CABCOCO1: variants seen among roughly 807,000 people sequenced by gnomAD.
The protein encoded by CABCOCO1 is ciliary associated calcium binding coiled-coil 1.
In CABCOCO1, 28 loss-of-function variants were observed where a neutral mutation model predicts 35.7. The ratio of observed to expected loss-of-function variants is 0.78; its 90% CI spans 0.58 to 1.07. The LOEUF (loss-of-function observed/expected upper bound fraction) is 1.07. Ranked by LOEUF, CABCOCO1 falls within the 50% of genes least tolerant of loss-of-function variation. CABCOCO1 has a pLI of 0.00. For synonymous variants in CABCOCO1, 95 were observed against 100.1 expected, an observed-to-expected ratio of 0.95 and a Z score of 0.30; for missense variants, 326 against 309.2, an observed-to-expected ratio of 1.05 and a Z score of -0.41.
chr10:61,679,774 A>G (rs945193028), intron 2 of CABCOCO1, among the ~76,000 whole-genome samples: 5 of 152,210 alleles, frequency 3.3e-5, no homozygotes, highest in African/African-American at 9.6e-5. Context: ...TCAGAAAGAT[A>G]TAACCATGAG....
intron 1 of CABCOCO1, among the ~76,000 whole-genome samples, 158 bp from the exon 2 acceptor site, chr10:61,672,474 A>C (rs1839390461): frequency 6.6e-6 from 1 of 152,254 alleles, no homozygotes; most frequent in Admixed American, 6.5e-5. Context: ...GTACCGTTGC[A>C]TAATATGGAA....
intron 1 of CABCOCO1, among the ~76,000 whole-genome samples, chr10:61,665,129 A>G (rs934828067): frequency 6.6e-6 from 1 of 152,182 alleles, no homozygotes; most frequent in Non-Finnish European, 1.5e-5. Flanking sequence ...GTTTGTGGCC[A>G]ATACCTAGAA....
At chr10:61,673,005 ATGC>A (rs913234968) in intron 2 of CABCOCO1, among the ~76,000 whole-genome samples, 1 of 152,226 alleles carries the variant, frequency 6.6e-6, no homozygotes, top group African/African-American at 2.4e-5. Flanking sequence ...GCTATAGCAT[ATGC>A]TGTCTTCTTT....
chr10:61,686,167 T>C lies in CABCOCO1; in HGVS notation c.461T>C (p.Ile154Thr), dbSNP rs962002634. The stretch of plus-strand genomic sequence containing the variant: ...GATGTAAAACAAGCCAATGCTATCA[T>C]TGATTACTTAAAAATCAGGTATGGA... The part of the protein sequence containing the change: ...IFDVKQANAI[I>T]DYLKISLFQH... The change falls in exon 4 of 8, where the codon ATT (isoleucine) becomes ACT (threonine). Residue 154 changes from isoleucine (I) to threonine (T), a missense_variant. Ile to Thr is a moderately conservative substitution (Grantham distance 89, BLOSUM62 -1). Transcript: ENST00000648843. 5 of 1,574,098 alleles carry C rather than the reference T, an allele frequency of 3.2e-6. No homozygotes were observed. The highest frequency in any genetic ancestry group is 4.3e-6 in the Non-Finnish European group (5 of 1,168,366).
intron 5 of CABCOCO1, among the ~76,000 whole-genome samples, chr10:61,693,294 T>C (rs963123970): frequency 6.6e-6 from 1 of 152,140 alleles, no homozygotes; most frequent in African/African-American, 2.4e-5. Flanking sequence ...TACCTGTTTT[T>C]AAATTAACAA....
intron 1 of CABCOCO1, among the ~76,000 whole-genome samples, chr10:61,665,656 G>A (rs934345402): frequency 3.3e-5 from 5 of 151,988 alleles, no homozygotes; most frequent in Non-Finnish European, 7.4e-5. Flanking sequence ...GGGAGGCCGA[G>A]GCGGGCGGAT....
chr10:61,753,118 G>A (rs1841826734), intron 5 of CABCOCO1, among the ~76,000 whole-genome samples: 1 of 152,100 alleles, frequency 6.6e-6, no homozygotes, highest in Non-Finnish European at 1.5e-5. Context: ...TAATATGAGA[G>A]TCATGAAATA....
chr10:61,732,997 G>C (rs1165496649), intron 5 of CABCOCO1, among the ~76,000 whole-genome samples: 4 of 151,942 alleles, frequency 2.6e-5, no homozygotes, highest in African/African-American at 9.7e-5. Context: ...GAAATGCTTT[G>C]ATATTTATGT....
intron 2 of CABCOCO1, among the ~76,000 whole-genome samples, chr10:61,677,547 T>TC (rs1303424571): frequency 6.6e-6 from 1 of 151,884 alleles, no homozygotes; most frequent in Non-Finnish European, 1.5e-5. Context: ...CTTTTCTTTT[T>TC]CTTTTTTTTT....
chr10:61,745,789 T>C (rs1216195509), intron 5 of CABCOCO1, among the ~76,000 whole-genome samples: 1 of 152,192 alleles, frequency 6.6e-6, no homozygotes, highest in Non-Finnish European at 1.5e-5. Flanking sequence ...CTTTTCACTT[T>C]TTTCTCAAAT....
chr10:61,753,652 T>C (rs1841839490), intron 5 of CABCOCO1, among the ~76,000 whole-genome samples: 1 of 152,014 alleles, frequency 6.6e-6, no homozygotes, highest in Non-Finnish European at 1.5e-5. Flanking sequence ...GAGTGATAAA[T>C]TGGGTGGGGG....
At chr10:61,725,903 G>GA (rs1201539703) in intron 5 of CABCOCO1, among the ~76,000 whole-genome samples, 2 of 150,184 alleles carry the variant, frequency 1.3e-5, no homozygotes, top group South Asian at 2.1e-4. Flanking sequence ...CTTATACCAA[G>GA]AAAAAAAAAG....
chr10:61,675,197 C>A (rs972584073), intron 2 of CABCOCO1, among the ~76,000 whole-genome samples: 4 of 152,154 alleles, frequency 2.6e-5, no homozygotes, highest in Non-Finnish European at 4.4e-5. Context: ...TTTCATGCTA[C>A]CGCCATAGCC....
At position 61,760,884 on chromosome 10, in the gene CABCOCO1, C is replaced by G. The variant is rs138221401; in HGVS notation, c.697C>G (p.Pro233Ala). The G allele has an allele frequency of 2.4e-5, 38 of 1,612,258 alleles. No homozygotes were observed. The highest frequency in any genetic ancestry group is 3.1e-5 in the Non-Finnish European group (36 of 1,179,056). Residue 233 changes from proline (P) to alanine (A), a missense_variant, in exon 7 of 8, where the codon CCT (proline) becomes GCT (alanine). Transcript: ENST00000648843. Reference protein sequence around the residue: ...EMKRLDQEQGPEESQPETDTS... With the variant: ...EMKRLDQEQGAEESQPETDTS... ...CTAGAGGTTGGATCAAGAACAAGGC[C>G]CTGAGGAGTCTCAGCCAGAAACTGA...
chr10:61,692,239 G>T (rs1399621880), intron 5 of CABCOCO1, among the ~76,000 whole-genome samples: 1 of 152,114 alleles, frequency 6.6e-6, no homozygotes, highest in African/African-American at 2.4e-5. Context: ...TTCCTCTAAT[G>T]ACCAGTGATG....
chr10:61,686,153 AGCCAAT>A lies in CABCOCO1; in HGVS notation c.450_455del (p.Asn151_Ala152del). The A allele has an allele frequency of 6.3e-7, 1 of 1,586,658 alleles. No homozygotes were observed. The highest frequency in any genetic ancestry group is 8.5e-7 in the Non-Finnish European group (1 of 1,172,420). ...ACTGGAATATCTTTGATGTAAAACA[AGCCAAT>A]GCTATCATTGATTACTTAAAAATCA... On this transcript the variant is annotated inframe_deletion, in exon 4 of 8. Coordinates refer to ENST00000648843, the MANE Select transcript of CABCOCO1 (RefSeq NM_001366906.2).
chr10:61,696,316 C>G (rs1370462793), intron 5 of CABCOCO1, among the ~76,000 whole-genome samples: 2 of 151,544 alleles, frequency 1.3e-5, no homozygotes, highest in Non-Finnish European at 2.9e-5. Flanking sequence ...ATAAAATCAG[C>G]TGAAGTACTA....
intron 7 of CABCOCO1, among the ~76,000 whole-genome samples, chr10:61,763,256 C>G (rs967639242): frequency 6.6e-6 from 1 of 151,988 alleles, no homozygotes; most frequent in Admixed American, 6.6e-5. Flanking sequence ...TATGTGGTTT[C>G]AGGCATATTT....
intron 5 of CABCOCO1, among the ~76,000 whole-genome samples, chr10:61,723,910 G>T (rs1841081565): frequency 6.6e-6 from 1 of 152,168 alleles, no homozygotes; most frequent in African/African-American, 2.4e-5. Context: ...CTTTTAAACT[G>T]TATAACTATC....
Sources: gnomAD v4.1 joint callset for allele counts (sites outside exome capture counted in the v4.1 genomes callset) on GRCh38, gnomAD v4.1.1 for gene constraint, MANE v1.5 for transcripts, NCBI Gene and HGNC (gene_info 2026-07-23, HGNC 2026-07-21) for gene names.